Variants in PIK3R6 observed in about 807,000 individuals in gnomAD.
PIK3R6 encodes the protein phosphoinositide 3-kinase regulatory subunit 6.
A neutral mutation model predicts 84.9 loss-of-function variants in PIK3R6; 91 were observed. That is an observed-to-expected ratio of 1.07 (90% CI 0.90 to 1.28). The LOEUF is 1.28. Ranked by LOEUF, PIK3R6 falls within the 50% of genes most tolerant of loss-of-function variation. PIK3R6 has a pLI of 0.00. For synonymous variants in PIK3R6, 416 were observed against 411.4 expected (o/e 1.01, Z -0.13); for missense variants, 996 against 985.1 (o/e 1.01, Z -0.15).
At chr17:8,829,074 TACAC>T in intron 10 of PIK3R6, 84 bp from the exon 11 acceptor site, 1 of 1,259,684 alleles carries the variant, frequency 7.9e-7, no homozygotes, top group Admixed American at 3.1e-5. Context: ...CTTCAGAGGA[TACAC>T]ACACACAGAA....
intron 8 of PIK3R6, 58 bp from the exon 9 acceptor site, chr17:8,833,103 C>G: frequency 6.7e-7 from 1 of 1,485,212 alleles, no homozygotes; most frequent in South Asian, 1.3e-5. Flanking sequence ...CACCCCAGCT[C>G]CTAAGCCAAG....
At chr17:8,867,027 C>T (rs998119040) in intron 1 of PIK3R6, among the ~76,000 whole-genome samples, 1 of 152,222 alleles carries the variant, frequency 6.6e-6, no homozygotes, top group African/African-American at 2.4e-5. Context: ...AGGGCACAGA[C>T]TGGGACCCAG....
intron 1 of PIK3R6, among the ~76,000 whole-genome samples, chr17:8,855,618 A>C (rs1386461258): frequency 1.3e-5 from 2 of 152,232 alleles, no homozygotes; most frequent in Non-Finnish European, 2.9e-5. Flanking sequence ...TTATACTTTA[A>C]GTTCTGGGAT....
At chr17:8,861,602 A>G (rs11652783) in intron 1 of PIK3R6, among the ~76,000 whole-genome samples, 51,708 of 152,150 alleles carry the variant, frequency 0.34, 9,661 homozygotes, top group African/African-American at 0.47. Flanking sequence ...GTGGGTGTAC[A>G]CAGTGTGTGC....
In PIK3R6 at chr17:8,829,717, T is replaced by A; in HGVS notation, c.878A>T (p.Glu293Val). 1.3e-6 allele frequency: 2 copies of A among 1,552,916 alleles called. No individual in the cohort carries two copies. The highest frequency in any genetic ancestry group is 1.4e-5 in the African/African-American group (1 of 73,208). Residue 293 changes from glutamate to valine, a missense_variant, in exon 10 of 20, where the codon GAG becomes GTG. Physicochemically the swap from Glu to Val is moderately radical, Grantham distance 121. Transcript: ENST00000619866. ...PYITFHLWTG[E>V]EQLWKELVLF... ...CCATGGGCACGTACAGAGCTGCTCCTCACCGGTCCACAAGTGGAAGGTGAT... is the reference window on the plus strand; with the variant it reads ...CCATGGGCACGTACAGAGCTGCTCCACACCGGTCCACAAGTGGAAGGTGAT...
At chr17:8,817,173 A>G (rs2087567700) in intron 18 of PIK3R6, among the ~76,000 whole-genome samples, 6 of 152,194 alleles carry the variant, frequency 3.9e-5, no homozygotes. Flanking sequence ...CAAGGTATAG[A>G]CCAGTATGTA....
Position 8,828,115 on chromosome 17 carries a change from A to G in PIK3R6, c.1389T>C (p.Pro463=). The G allele has an allele frequency of 3.1e-6, 5 of 1,613,734 alleles. No homozygotes were observed. Among genetic ancestry groups the G allele is most frequent in the Non-Finnish European group, 4.2e-6 (5 of 1,179,764 alleles). The part of the protein sequence containing the change: ...LQLYYIPVLA[P]EKPAASRQPE... ...CGCCTCCCCGCGGTCCAGTCACCTC[A>G]GGCGCCAGCACGGGGATGTAGTAGA... is the stretch of plus-strand genomic sequence containing the variant. The change falls in exon 12 of 20, where the codon CCT becomes CCC. Residue 463 remains proline (P), a synonymous_variant. Coordinates refer to ENST00000619866, the MANE Select transcript of PIK3R6 (RefSeq NM_001010855.4).
intron 8 of PIK3R6, among the ~76,000 whole-genome samples, chr17:8,833,820 G>A (rs1003915742): frequency 5.9e-5 from 9 of 151,918 alleles, no homozygotes; most frequent in African/African-American, 4.8e-5. Flanking sequence ...GATTACAGGC[G>A]TGAACCACCG....
At position 8,842,995 on chromosome 17, in the gene PIK3R6, C is replaced by T. The variant is rs188903412; in HGVS notation, c.14-3298G>A. On this transcript the variant is annotated intron_variant, in intron 2 of 19. Coordinates refer to ENST00000619866, the MANE Select transcript of PIK3R6 (RefSeq NM_001010855.4). The surrounding 1 kb of genome is among the most constrained non-coding windows in gnomAD (Gnocchi z 4.5). The stretch of plus-strand genomic sequence containing the variant: ...CCTCCTCAGACCCATGCAAAGCCTA[C>T]GGGGTCCACATCCCTGAAGCCCCCA... 1.6e-4 allele frequency among the ~76,000 whole-genome samples: 25 copies of T among 152,292 alleles called. 1 individual carries two copies. Among genetic ancestry groups the T allele is most frequent in the African/African-American group, 5.1e-4 (21 of 41,558 alleles).
rs1376651499 is a variant in PIK3R6, at chr17:8,839,374, GA to G, written c.97+239del. Among the ~76,000 whole-genome samples, 6 of 151,692 alleles carry G rather than the reference GA, an allele frequency of 4.0e-5. No individual in the cohort carries two copies. The highest frequency in any genetic ancestry group is 7.4e-5 in the Non-Finnish European group (5 of 67,892). ...AAAACAAAAGAAAAAAAAAAGGAAAGAAAAAGGGTGGCAGATCCCCAATGTG... is the reference window on the plus strand; with the variant it reads ...AAAACAAAAGAAAAAAAAAAGGAAAGAAAAGGGTGGCAGATCCCCAATGTG... On this transcript the variant is annotated intron_variant, in intron 3 of 19. Transcript: ENST00000619866. The surrounding 1 kb of genome is among the most constrained non-coding windows in gnomAD (Gnocchi z 4.2).
chr17:8,837,779 C>A (rs768688479), intron 5 of PIK3R6, 24 bp downstream of exon 5: 1 of 1,602,432 alleles, frequency 6.2e-7, no homozygotes, highest in South Asian at 1.1e-5. Flanking sequence ...ACCACTACCA[C>A]CTCGACCTCA....
At position 8,828,181 on chromosome 17, in the gene PIK3R6, C is replaced by T; in HGVS notation, c.1323G>A (p.Glu441=). 6.2e-7 allele frequency: 1 copy of T among 1,613,974 alleles called. No individual in the cohort carries two copies. The highest frequency in any genetic ancestry group is 2.2e-5 in the East Asian group (1 of 44,888). The part of the protein sequence containing the change: ...AQAYHRLRKR[E]TQKFCLTPRL... ...TGGGAGTGAGGCAGAACTTCTGGGT[C>T]TCCCGTTTCCTAGCAATGGGCAGCA... Residue 441 remains glutamate (E), a synonymous_variant, in exon 12 of 20, where the codon GAG becomes GAA. Coordinates refer to ENST00000619866, the MANE Select transcript of PIK3R6 (RefSeq NM_001010855.4).
chr17:8,826,571 GAAC>G (rs2087924858), intron 13 of PIK3R6, among the ~76,000 whole-genome samples: 1 of 152,098 alleles, frequency 6.6e-6, no homozygotes, highest in Non-Finnish European at 1.5e-5. Flanking sequence ...AGTGGGAGCT[GAAC>G]AATGAGAACA....
intron 8 of PIK3R6, among the ~76,000 whole-genome samples, chr17:8,834,114 G>A (rs1490661393): frequency 1.9e-4 from 26 of 139,382 alleles, no homozygotes; most frequent in Admixed American, 1.3e-3. Context: ...CCGAGATCAC[G>A]CCACTGCACT....
intron 2 of PIK3R6, among the ~76,000 whole-genome samples, chr17:8,843,267 T>C (rs2088733042): frequency 3.3e-5 from 5 of 152,194 alleles, no homozygotes; most frequent in Admixed American, 3.3e-4. Flanking sequence ...AAGTCTTTTT[T>C]CTCTCTCCTC....
chr17:8,853,156 C>T (rs571610278), intron 1 of PIK3R6, among the ~76,000 whole-genome samples: 239 of 151,682 alleles, frequency 1.6e-3, no homozygotes, highest in Non-Finnish European at 2.6e-3. Flanking sequence ...TCGGAAGATA[C>T]AATACCATTT....
At chr17:8,863,531 G>A (rs1406348593) in intron 1 of PIK3R6, among the ~76,000 whole-genome samples, 3 of 151,646 alleles carry the variant, frequency 2.0e-5, no homozygotes, top group Non-Finnish European at 4.4e-5. Context: ...ACCCCCAAGT[G>A]TGTGTGTGTG....
At chr17:8,824,068 G>A (rs780096468) in intron 13 of PIK3R6, among the ~76,000 whole-genome samples, 3 of 152,108 alleles carry the variant, frequency 2.0e-5, no homozygotes, top group African/African-American at 4.8e-5. Flanking sequence ...TCAGGAGTTC[G>A]AGACCAGCCT....
chr17:8,828,553 C>T lies in PIK3R6; in HGVS notation c.1313+14G>A. ...GACCAGCGCCCACCCCCAGCCCCCACGTCGGGGCCCCACCTGAGTCTGTGG... is the reference window on the plus strand; with the variant it reads ...GACCAGCGCCCACCCCCAGCCCCCATGTCGGGGCCCCACCTGAGTCTGTGG... On this transcript the variant is annotated intron_variant, in intron 11 of 19. Transcript: ENST00000619866. 1.2e-6 allele frequency: 2 copies of T among 1,609,940 alleles called. No individual in the cohort carries two copies. Among genetic ancestry groups the T allele is most frequent in the South Asian group, 1.1e-5 (1 of 90,738 alleles).
Sources: gnomAD v4.1 joint callset for allele counts (sites outside exome capture counted in the v4.1 genomes callset) on GRCh38, gnomAD v4.1.1 for gene constraint, Gnocchi (gnomAD v3.1) non-coding constraint, MANE v1.5 for transcripts, NCBI Gene and HGNC (gene_info 2026-07-23, HGNC 2026-07-21) for gene names.